The following SLC11A2 variants were observed in gnomAD, a reference collection of about 807,000 sequenced individuals.
SLC11A2 encodes the protein natural resistance-associated macrophage protein 2.
SLC11A2 carries 38 observed loss-of-function variants against 68.0 expected under a neutral mutation model. The ratio of observed to expected loss-of-function variants is 0.56; its 90% CI spans 0.43 to 0.73. The LOEUF (loss-of-function observed/expected upper bound fraction) is 0.73. Among genes scored for constraint, SLC11A2 ranks in the 30% least tolerant of loss-of-function variants. The probability of loss-of-function intolerance (pLI) is 0.00; values close to 1 mark genes in which losing one functional copy is unlikely to be tolerated. For synonymous variants in SLC11A2, 242 were observed against 250.6 expected (o/e 0.97, Z 0.32); for missense variants, 517 against 690.5 (o/e 0.75, Z 2.82).
rs1942012254 is a variant in SLC11A2 at position 50,999,397 on chromosome 12, G to A, written c.555C>T (p.Gly185=). The A allele has an allele frequency of 1.2e-6, 2 of 1,613,252 alleles. No homozygotes were observed. The highest frequency in any genetic ancestry group is 1.7e-6 in the Non-Finnish European group (2 of 1,179,264). ...AAGTATCTGCAATGGTGATGAGAAC[G>A]CCACCCCACAGAGGAATTCTAGGTC... ...LSVGRIPLWG[G]VLITIADTFV... The change falls in exon 7 of 16, where the codon GGC becomes GGT. Residue 185 remains glycine (G), a synonymous_variant. Transcript: ENST00000262052.
At chr12:50,998,963 C>G (rs1941970027) in intron 8 of SLC11A2, among the ~76,000 whole-genome samples, 1 of 152,050 alleles carries the variant, frequency 6.6e-6, no homozygotes, top group African/African-American at 2.4e-5. Context: ...TCATTTTAAA[C>G]CTGGGAGCCC....
chr12:50,993,190 T>G (rs1341897829), intron 11 of SLC11A2: 1 of 156,560 alleles, frequency 6.4e-6, no homozygotes, highest in Non-Finnish European at 1.1e-5. Context: ...ATCTTAAATA[T>G]TAAAAAAAAA....
chr12:50,989,973 C>T (rs977049885), intron 15 of SLC11A2, among the ~76,000 whole-genome samples: 3 of 152,038 alleles, frequency 2.0e-5, no homozygotes, highest in Non-Finnish European at 4.4e-5. Context: ...GTTATTTTGG[C>T]TGTTTTTCAT....
the SLC11A2 span, chr12:50,954,309 A>G: frequency 2.3e-6 from 1 of 440,260 alleles, no homozygotes; most frequent in Non-Finnish European, 4.0e-6. Flanking sequence ...ATTTTATTCT[A>G]TTTTATCCAT....
At chr12:50,993,038 A>C (rs1372010068) in intron 11 of SLC11A2, 109 bp from the exon 12 acceptor site, 14 of 1,302,446 alleles carry the variant, frequency 1.1e-5, no homozygotes, top group African/African-American at 2.9e-5. Context: ...TGCACCACCA[A>C]CACCAAGTGC....
intron 1 of SLC11A2, among the ~76,000 whole-genome samples, chr12:51,024,057 CT>C (rs1944223559): frequency 6.6e-6 from 1 of 152,190 alleles, no homozygotes; most frequent in Non-Finnish European, 1.5e-5. Context: ...CTTATACCAA[CT>C]GCACTTCAAC....
intron 11 of SLC11A2, among the ~76,000 whole-genome samples, chr12:50,994,109 C>T (rs180856556): frequency 2.7e-5 from 4 of 150,646 alleles, no homozygotes; most frequent in East Asian, 4.0e-4. Context: ...GGCCCAATCT[C>T]GGCTCACTGC....
chr12:51,028,440 C>G, upstream of SLC11A2: 1 of 467,660 alleles, frequency 2.1e-6, no homozygotes, highest in Non-Finnish European at 3.8e-6. Flanking sequence ...CATTATATAT[C>G]TGCCACTCCT....
chr12:51,002,577 T>C (rs1427960705), intron 5 of SLC11A2, among the ~76,000 whole-genome samples: 1 of 125,862 alleles, frequency 7.9e-6, no homozygotes, highest in Non-Finnish European at 1.6e-5. Context: ...AGGTTGAGGT[T>C]ATAGTAAGCC....
the SLC11A2 span, among the ~76,000 whole-genome samples, chr12:50,973,344 G>A: frequency 2.9e-4 from 44 of 152,292 alleles, no homozygotes; most frequent in African/African-American, 1.0e-3. Context: ...AATATTTGCT[G>A]TTCTGCAGCC....
At chr12:50,955,074 T>C in the SLC11A2 span, among the ~76,000 whole-genome samples, 1 of 152,092 alleles carries the variant, frequency 6.6e-6, no homozygotes, top group Admixed American at 6.6e-5. Context: ...GGTGGATCAC[T>C]TGAGGTCAGG....
chr12:51,016,489 C>A (rs1943661430), intron 1 of SLC11A2, among the ~76,000 whole-genome samples: 1 of 152,060 alleles, frequency 6.6e-6, no homozygotes, highest in South Asian at 2.1e-4. Context: ...TGAGACCAGC[C>A]TGGCCAACAT....
intron 8 of SLC11A2, among the ~76,000 whole-genome samples, chr12:50,997,676 T>C (rs1174585206): frequency 1.0e-3 from 34 of 33,142 alleles, no homozygotes; most frequent in Non-Finnish European, 1.6e-3. Flanking sequence ...TGAGACTCTG[T>C]CTCAAAAAAA....
At chr12:50,989,282 G>A (rs1331986069) in intron 15 of SLC11A2, among the ~76,000 whole-genome samples, 1 of 152,148 alleles carries the variant, frequency 6.6e-6, no homozygotes, top group Non-Finnish European at 1.5e-5. Flanking sequence ...CTGAGGTCAA[G>A]AGTTTGAGAC....
chr12:50,982,607 C>G (rs1201197677), downstream of SLC11A2, among the ~76,000 whole-genome samples: 1 of 150,390 alleles, frequency 6.6e-6, no homozygotes, highest in East Asian at 2.0e-4. Context: ...AGCCTGGCGA[C>G]AGAGTCAGAC....
chr12:50,963,094 G>C, the SLC11A2 span, among the ~76,000 whole-genome samples: 3 of 152,054 alleles, frequency 2.0e-5, no homozygotes, highest in Admixed American at 1.3e-4. Flanking sequence ...AGTAGGCCAG[G>C]CATGGTGGTT....
At position 51,024,182 on chromosome 12, in the gene SLC11A2, G is replaced by A. The variant is rs966183029; in HGVS notation, c.-39+2128C>T. ...TATGTGTATAAATAGCCGCTTCTTT[G>A]AAGGGAAGAATTAGAAGACAAAGCA... is the stretch of plus-strand genomic sequence containing the variant. On this transcript the variant is annotated intron_variant, in intron 1 of 15. Transcript: ENST00000262052. Among the ~76,000 whole-genome samples, 7 of 152,062 alleles carry A rather than the reference G, an allele frequency of 4.6e-5. No homozygotes were observed. In the South Asian group the frequency reaches 6.2e-4, roughly 14 times the overall value.
At chr12:51,025,193 G>GAT (rs1380845228) in intron 1 of SLC11A2, among the ~76,000 whole-genome samples, 3 of 152,162 alleles carry the variant, frequency 2.0e-5, no homozygotes, top group Non-Finnish European at 1.5e-5. Flanking sequence ...GTTCACTGGT[G>GAT]ATAAGTCATG....
chr12:50,953,522 C>A, the SLC11A2 span, among the ~76,000 whole-genome samples: 1 of 152,196 alleles, frequency 6.6e-6, no homozygotes, highest in Non-Finnish European at 1.5e-5. Context: ...CTTTATAATG[C>A]CCTGCACATT....
Sources: gnomAD v4.1 joint callset for allele counts (sites outside exome capture counted in the v4.1 genomes callset) on GRCh38, gnomAD v4.1.1 for gene constraint, MANE v1.5 for transcripts, NCBI Gene and HGNC (gene_info 2026-07-23, HGNC 2026-07-21) for gene names.